Variants in QRFPR observed in about 807,000 individuals in gnomAD.
QRFPR encodes pyroglutamylated RFamide peptide receptor, also known as pyroglutamylated RF-amide peptide receptor.
In QRFPR, 37 loss-of-function variants were observed where a neutral mutation model predicts 31.3. That is an observed-to-expected ratio of 1.18 (90% confidence interval 0.91 to 1.56). The LOEUF is 1.56. Ranked by LOEUF, QRFPR falls within the 40% of genes most tolerant of loss-of-function variation. QRFPR has a pLI of 0.00. For missense variants in QRFPR, 542 were observed against 532.5 expected, an observed-to-expected ratio of 1.02 and a Z score of -0.18; for synonymous variants, 197 against 192.0, an observed-to-expected ratio of 1.03 and a Z score of -0.22.
chr4:121,330,197 G>C (rs768814901), intron 5 of QRFPR, among the ~76,000 whole-genome samples: 2 of 152,214 alleles, frequency 1.3e-5, no homozygotes, highest in African/African-American at 2.4e-5. Context: ...AGTAACATGG[G>C]AGAGGAATCT....
intron 3 of QRFPR, 118 bp downstream of exon 3, chr4:121,336,689 G>A: frequency 1.2e-6 from 1 of 801,298 alleles, no homozygotes; most frequent in South Asian, 1.4e-5. Context: ...ACCTCCAGTG[G>A]AATAGCTGAG....
intron 1 of QRFPR, among the ~76,000 whole-genome samples, chr4:121,347,785 T>C (rs1169508841): frequency 1.3e-5 from 2 of 152,140 alleles, no homozygotes; most frequent in African/African-American, 4.8e-5. Context: ...TATTAAGTAT[T>C]CTTCCCTTGG....
chr4:121,369,847 CCT>C lies in QRFPR; in HGVS notation c.340+10459_340+10460del, dbSNP rs761020334. 1.3e-5 allele frequency: 13 copies of C among 971,594 alleles called. No homozygotes were observed. The Admixed American group carries it at 2.2e-4, about 17-fold the overall frequency. The allele number at this position is 971,594 out of a possible 1,614,324, so 60.2% of individuals were successfully genotyped here. On this transcript the variant is annotated intron_variant, in intron 1 of 5. Transcript: ENST00000394427. ...GGGTGGACAGGGCTGATGCAGGTGGCCTCTCTTCTTTTGTTATCTCTCCACTC... is the reference window on the plus strand; with the variant it reads ...GGGTGGACAGGGCTGATGCAGGTGGCCTCTTCTTTTGTTATCTCTCCACTC...
chr4:121,332,474 AC>A (rs983424544), intron 4 of QRFPR, among the ~76,000 whole-genome samples: 41 of 152,280 alleles, frequency 2.7e-4, no homozygotes, highest in Admixed American at 1.3e-3. Context: ...TGGGAGTGAG[AC>A]TGATGTATAT....
chr4:121,368,834 G>A (rs1411373878), intron 1 of QRFPR, among the ~76,000 whole-genome samples: 1 of 151,020 alleles, frequency 6.6e-6, no homozygotes, highest in Non-Finnish European at 1.5e-5. Context: ...AGCAGTGATT[G>A]AAGTTCTTAC....
chr4:121,344,965 A>T (rs1485551027), intron 1 of QRFPR, among the ~76,000 whole-genome samples: 1 of 152,140 alleles, frequency 6.6e-6, no homozygotes, highest in African/African-American at 2.4e-5. Context: ...TTTACTTGGG[A>T]TATCCTTCTC....
At chr4:121,376,676 T>C (rs1319441044) in intron 1 of QRFPR, among the ~76,000 whole-genome samples, 1 of 152,158 alleles carries the variant, frequency 6.6e-6, no homozygotes, top group Admixed American at 6.5e-5. Context: ...TGAGTAGAGT[T>C]GTGCACACTG....
intron 2 of QRFPR, among the ~76,000 whole-genome samples, chr4:121,338,665 C>T (rs750201483): frequency 2.4e-4 from 37 of 152,260 alleles, no homozygotes; most frequent in Non-Finnish European, 4.3e-4. Context: ...AGGAATGGGG[C>T]GTGACTGACA....
chr4:121,357,185 C>T (rs1312140931), intron 1 of QRFPR, among the ~76,000 whole-genome samples: 1 of 151,896 alleles, frequency 6.6e-6, no homozygotes, highest in African/African-American at 2.4e-5. Context: ...TCTAGAGGCT[C>T]TAGGGGAGAA....
chr4:121,348,863 C>T (rs538728840), intron 1 of QRFPR, among the ~76,000 whole-genome samples: 20 of 152,126 alleles, frequency 1.3e-4, no homozygotes, highest in African/African-American at 3.9e-4. Context: ...TTTGGGAGGC[C>T]GAGGCGGGCT....
chr4:121,348,309 G>A (rs1018330009), intron 1 of QRFPR, among the ~76,000 whole-genome samples: 1 of 152,174 alleles, frequency 6.6e-6, no homozygotes, highest in Non-Finnish European at 1.5e-5. Flanking sequence ...AGTACTATGT[G>A]AAAATGCATT....
At chr4:121,379,228 G>GACTA (rs1726420545) in intron 1 of QRFPR, among the ~76,000 whole-genome samples, 1 of 152,142 alleles carries the variant, frequency 6.6e-6, no homozygotes, top group Admixed American at 6.5e-5. Flanking sequence ...CATTCTGACT[G>GACTA]ACTAACAGCA....
chr4:121,341,583 G>A (rs1043631883), intron 1 of QRFPR, among the ~76,000 whole-genome samples: 10 of 152,092 alleles, frequency 6.6e-5, no homozygotes, highest in African/African-American at 1.4e-4. Flanking sequence ...AGAAAATTCC[G>A]CATCTTCCCT....
chr4:121,332,296 C>G (rs1725342397), intron 4 of QRFPR, among the ~76,000 whole-genome samples: 1 of 152,038 alleles, frequency 6.6e-6, no homozygotes, highest in Admixed American at 6.6e-5. Context: ...AAGCAAAGCC[C>G]TTAGGTAAAA....
Position 121,328,801 on chromosome 4 carries a change from G to T in QRFPR, c.*513C>A, listed in dbSNP as rs1725263658. On this transcript the variant is annotated 3_prime_UTR_variant, in exon 6 of 6. Transcript: ENST00000394427. The stretch of plus-strand genomic sequence containing the variant: ...CGGGGAGTCTCGCTCTTTCGCCCAG[G>T]CTGGAGTGCAGTGGCATGATCTCGG... Among the ~76,000 whole-genome samples the T allele has an allele frequency of 6.6e-6, 1 of 152,130 alleles. No individual in the cohort carries two copies. Among genetic ancestry groups the T allele is most frequent in the African/African-American group, 2.4e-5 (1 of 41,410 alleles).
At chr4:121,364,096 T>G (rs1726039670) in intron 1 of QRFPR, among the ~76,000 whole-genome samples, 1 of 149,208 alleles carries the variant, frequency 6.7e-6, no homozygotes, top group African/African-American at 2.5e-5. Context: ...CACAAAAGGG[T>G]TGAGGGAGCT....
intron 1 of QRFPR, among the ~76,000 whole-genome samples, chr4:121,343,693 T>TCTTGCAAATC: frequency 6.6e-6 from 1 of 152,362 alleles, no homozygotes; most frequent in African/African-American, 2.4e-5. Flanking sequence ...ATCAGAACTT[T>TCTTGCAAATC]TTCTATTGAG....
chr4:121,342,093 T>G (rs1211426217), intron 1 of QRFPR, among the ~76,000 whole-genome samples: 1 of 152,210 alleles, frequency 6.6e-6, no homozygotes, highest in Non-Finnish European at 1.5e-5. Flanking sequence ...CCTTCCTTCC[T>G]AGTGTGGTTG....
Position 121,333,035 on chromosome 4 carries a change from C to T in QRFPR, c.583G>A (p.Glu195Lys). 1 of 1,611,090 alleles carries T rather than the reference C, an allele frequency of 6.2e-7. No homozygotes were observed. Among genetic ancestry groups the T allele is most frequent in the Non-Finnish European group, 8.5e-7 (1 of 1,177,576 alleles). Residue 195 changes from glutamate (E) to lysine (K), a missense_variant, in exon 4 of 6, where the codon GAA becomes AAA. Transcript: ENST00000394427. ...QLEIKYDFLY[E>K]KEHICCLEEW... ...TCTAAGCAGCAGATGTGTTCCTTTTCATATAGGAAGTCATATTTGATCTTC... is the reference window on the plus strand; with the variant it reads ...TCTAAGCAGCAGATGTGTTCCTTTTTATATAGGAAGTCATATTTGATCTTC...
Sources: gnomAD v4.1 joint callset for allele counts (sites outside exome capture counted in the v4.1 genomes callset) on GRCh38, gnomAD v4.1.1 for gene constraint, MANE v1.5 for transcripts, NCBI Gene and HGNC (gene_info 2026-07-23, HGNC 2026-07-21) for gene names.